VPS13C: variants seen among roughly 807,000 people sequenced by gnomAD.
The protein encoded by VPS13C is intermembrane lipid transfer protein VPS13C.
In VPS13C, 358 loss-of-function variants were observed where a neutral mutation model predicts 456.8. The ratio of observed to expected loss-of-function variants is 0.78; its 90% CI spans 0.72 to 0.86. The LOEUF is 0.86. VPS13C is among the 40% of genes least tolerant of loss of function. VPS13C has a pLI of 0.00. For missense variants in VPS13C, 4,818 were observed against 4,385.4 expected (o/e 1.10, Z -2.79); for synonymous variants, 1,578 against 1,486.7 (o/e 1.06, Z -1.41).
At chr15:61,932,018 CACTAAAAGGA>C (rs1446663568) in intron 49 of VPS13C, among the ~76,000 whole-genome samples, 3 of 152,054 alleles carry the variant, frequency 2.0e-5, no homozygotes, top group African/African-American at 7.3e-5. Flanking sequence ...AATAGAAATA[CACTAAAAGGA>C]ACATCACAAG....
At chr15:62,001,764 C>T (rs1336195361) in intron 15 of VPS13C, among the ~76,000 whole-genome samples, 4 of 152,016 alleles carry the variant, frequency 2.6e-5, no homozygotes, top group African/African-American at 7.3e-5. Flanking sequence ...TGAGAATATG[C>T]GGTGTTTGGT....
rs1375306843 is a variant in VPS13C at position 61,967,453 on chromosome 15, T to G, written c.2912-6A>C. 3.8e-6 allele frequency: 6 copies of G among 1,579,136 alleles called. No homozygotes were observed. The highest frequency in any genetic ancestry group is 5.1e-6 in the Non-Finnish European group (6 of 1,165,468). On this transcript the variant is annotated splice_region_variant and splice_polypyrimidine_tract_variant and intron_variant, in intron 28 of 84. Coordinates refer to ENST00000644861, the MANE Select transcript of VPS13C (RefSeq NM_020821.3). Reference sequence around the variant, plus strand: ...AAGGGGCTTCCTTTTGGATCCTAGATTAAAGAAAAAGGAAAAAAAAGTGTT... The same window carrying G: ...AAGGGGCTTCCTTTTGGATCCTAGAGTAAAGAAAAAGGAAAAAAAAGTGTT...
Position 62,033,450 on chromosome 15 carries a change from C to A in VPS13C, c.376G>T (p.Ala126Ser). The change falls in exon 5 of 85, where the codon GCA (alanine) becomes TCA (serine). Residue 126 changes from alanine (A) to serine (S), a missense_variant. Physicochemically the swap from Ala to Ser is moderately conservative, Grantham distance 99. Transcript: ENST00000644861. Reference protein sequence around the residue: ...SRIEEALQKAAEKGTHSGEFI... With the variant: ...SRIEEALQKASEKGTHSGEFI... ...CAAAAAAACTTTTTACCTTTTTCTG[C>A]TGCTTTTTGAAGGGCTTCTTCAATT... 1 of 1,597,842 alleles carries A rather than the reference C, an allele frequency of 6.3e-7. No homozygotes were observed.
At chr15:61,861,188 C>T (rs983583730) in intron 82 of VPS13C, among the ~76,000 whole-genome samples, 3 of 151,908 alleles carry the variant, frequency 2.0e-5, no homozygotes, top group African/African-American at 7.2e-5. Flanking sequence ...GTCTCGAACT[C>T]CCAACCTCAA....
chr15:62,001,585 T>C (rs551017839), intron 15 of VPS13C, among the ~76,000 whole-genome samples: 53 of 152,300 alleles, frequency 3.5e-4, no homozygotes, highest in Non-Finnish European at 7.2e-4. Flanking sequence ...TAGTTACATA[T>C]GTATACATGT....
At position 61,973,499 on chromosome 15, in the gene VPS13C, T is replaced by C. The variant is rs200738889; in HGVS notation, c.2572A>G (p.Lys858Glu). 77 of 1,612,820 alleles carry C rather than the reference T, an allele frequency of 4.8e-5. No individual in the cohort carries two copies. The highest frequency in any genetic ancestry group is 3.3e-4 in the Middle Eastern group (2 of 6,034). ...AATAGTGAAGTACCAAGTAGACCTT[T>C]TGTACCACCTGAAATAATAGGAATT... ...SSIPIISGGTKGLLGTSLLLD... is the reference protein window; with the variant it reads ...SSIPIISGGTEGLLGTSLLLD... Residue 858 changes from lysine to glutamate, a missense_variant, in exon 26 of 85, where the codon AAA becomes GAA. This residue lies in a region of VPS13C where 4,552 missense variants were observed against 4,130.6 expected (regional missense o/e 1.10). Transcript: ENST00000644861.
At chr15:61,962,301 T>G in intron 34 of VPS13C, 70 bp downstream of exon 34, 2 of 1,384,932 alleles carry the variant, frequency 1.4e-6, no homozygotes, top group Non-Finnish European at 2.0e-6. Context: ...TTATAACATT[T>G]GCCATCATAA....
intron 1 of VPS13C, among the ~76,000 whole-genome samples, chr15:62,047,565 T>A (rs1051013946): frequency 6.6e-6 from 1 of 152,206 alleles, no homozygotes; most frequent in Non-Finnish European, 1.5e-5. Context: ...TAATACATTC[T>A]CCAAGTTATT....
At chr15:62,009,105 A>G (rs1036677782) in intron 13 of VPS13C, among the ~76,000 whole-genome samples, 1 of 152,216 alleles carries the variant, frequency 6.6e-6, no homozygotes, top group African/African-American at 2.4e-5. Flanking sequence ...AAACAATGAA[A>G]TATGGTATCT....
At chr15:61,905,537 C>A (rs1236373029) in intron 66 of VPS13C, among the ~76,000 whole-genome samples, 3 of 152,094 alleles carry the variant, frequency 2.0e-5, no homozygotes, top group Non-Finnish European at 4.4e-5. Flanking sequence ...TCAGACAGAT[C>A]TGATTTTGAA....
chr15:61,916,263 T>G (rs1025179069), intron 60 of VPS13C, among the ~76,000 whole-genome samples: 1 of 152,118 alleles, frequency 6.6e-6, no homozygotes, highest in African/African-American at 2.4e-5. Context: ...CCATCAGTTT[T>G]GTGAAAAAAT....
rs780674934 is a variant in VPS13C, at chr15:61,922,082, C to T, written c.6976-49G>A. On this transcript the variant is annotated intron_variant, in intron 54 of 84. Coordinates refer to ENST00000644861, the MANE Select transcript of VPS13C (RefSeq NM_020821.3). ...TAAGACAGTCCTTTGGCTTTAATTA[C>T]ATATTTCTGTAACCAATAGGGAAAT... 1.0e-5 allele frequency: 16 copies of T among 1,569,546 alleles called. No homozygotes were observed. In the South Asian group the frequency reaches 1.6e-4, roughly 16 times the overall value.
intron 82 of VPS13C, among the ~76,000 whole-genome samples, chr15:61,862,194 A>T (rs949072329): frequency 6.6e-6 from 1 of 152,100 alleles, no homozygotes; most frequent in Admixed American, 6.6e-5. Context: ...GGAAAAGGAA[A>T]GGAAAGGAGA....
At position 61,908,989 on chromosome 15, in the gene VPS13C, T is replaced by C. The variant is rs762395750; in HGVS notation, c.8978+3A>G. 7 of 1,613,094 alleles carry C rather than the reference T, an allele frequency of 4.3e-6. No homozygotes were observed. The Admixed American group carries it at 1.0e-4, about 23-fold the overall frequency. ...ATTTCCCATTAACCCTTTTTTCTCA[T>C]ACCTCTGTTTGTATGTGAGGATGTC... On this transcript the variant is annotated splice_donor_region_variant and intron_variant, in intron 65 of 84. Coordinates refer to ENST00000644861, the MANE Select transcript of VPS13C (RefSeq NM_020821.3).
In VPS13C at chr15:61,962,853, C is replaced by G; in HGVS notation, c.3332-1G>C. On this transcript the variant is annotated splice_acceptor_variant, in intron 32 of 84. Coordinates refer to ENST00000644861, the MANE Select transcript of VPS13C (RefSeq NM_020821.3). LOFTEE classifies it high-confidence loss of function. The stretch of plus-strand genomic sequence containing the variant: ...TGGAGAGAAAGGGAGGAATCCAGTC[C>G]TGAAAAAAAGAGTGTATTATTATAA... 3.8e-6 allele frequency: 6 copies of G among 1,582,062 alleles called. No individual in the cohort carries two copies. Among genetic ancestry groups the G allele is most frequent in the Non-Finnish European group, 5.2e-6 (6 of 1,158,690 alleles).
Position 61,878,731 on chromosome 15 carries a change from A to T in VPS13C, c.10018T>A (p.Ser3340Thr). The T allele has an allele frequency of 1.2e-6, 2 of 1,605,750 alleles. No individual in the cohort carries two copies. The highest frequency in any genetic ancestry group is 1.7e-6 in the Non-Finnish European group (2 of 1,177,122). The change falls in exon 74 of 85, where the codon TCT becomes ACT. Residue 3340 changes from serine (S) to threonine (T), a missense_variant. Coordinates refer to ENST00000644861, the MANE Select transcript of VPS13C (RefSeq NM_020821.3). ...GATTCTTCACCTCCGGAACCCAAAG[A>T]CAAACTCAAATGCAACTAAAAGAAA... ...ISPVKLHLSL[S>T]LGSGGEESDK...
rs181015370 is a variant in VPS13C, at chr15:62,042,922, T to G, written c.144+1290A>C. On this transcript the variant is annotated intron_variant, in intron 2 of 84. Transcript: ENST00000644861. ...CTAGAACTTAAAGTATAATAAAAAA[T>G]ATATATATATAAAAATTACAAAATA... Among the ~76,000 whole-genome samples, 33 of 150,244 alleles carry G rather than the reference T, an allele frequency of 2.2e-4. No homozygotes were observed. In the East Asian group the frequency reaches 6.4e-3, roughly 29 times the overall value.
At chr15:61,947,098 A>C (rs1256161080) in intron 43 of VPS13C, 95 bp downstream of exon 43, 4 of 804,580 alleles carry the variant, frequency 5.0e-6, no homozygotes, top group Non-Finnish European at 7.7e-6. Flanking sequence ...TAAGTAAACC[A>C]AAAGAAAACT....
chr15:61,929,419 A>T, intron 51 of VPS13C, 82 bp downstream of exon 51: 4 of 1,510,034 alleles, frequency 2.6e-6, no homozygotes, highest in South Asian at 1.4e-5. Context: ...ACGTTCTTAA[A>T]TTTTTCATTT....
Sources: allele counts gnomAD v4.1 joint callset (sites outside exome capture counted in the v4.1 genomes callset), GRCh38; gene constraint gnomAD v4.1.1; regional missense constraint gnomAD v4.1.1; transcripts MANE v1.5; gene names NCBI Gene and HGNC (gene_info 2026-07-23, HGNC 2026-07-21).